EREG: variants seen among roughly 807,000 people sequenced by gnomAD.
EREG encodes the protein proepiregulin.
Under a neutral mutation model 22.4 loss-of-function variants are expected in EREG, and 23 were observed. The ratio of observed to expected loss-of-function variants is 1.03; its 90% confidence interval spans 0.74 to 1.46. The LOEUF is 1.46. Among genes scored for constraint, EREG ranks in the 40% most tolerant of loss-of-function variants. The pLI is 0.00. For missense variants in EREG, 226 were observed against 205.9 expected, an observed-to-expected ratio of 1.10 and a Z score of -0.60; for synonymous variants, 100 against 75.4, an observed-to-expected ratio of 1.33 and a Z score of -1.69.
At position 74,382,750 on chromosome 4, in the gene EREG, G is replaced by C. The variant is rs745627569; in HGVS notation, c.384G>C (p.Leu128Phe). The C allele has an allele frequency of 1.9e-6, 3 of 1,613,638 alleles. No homozygotes were observed. The highest frequency in any genetic ancestry group is 2.5e-6 in the Non-Finnish European group (3 of 1,179,808). ...CTTTGACCGTGATTCTTATTATTTT[G>C]TTTCTTATCACAGTCGTCGGTTCCA... ...YVALTVILII[L>F]FLITVVGSTY... Residue 128 changes from leucine (L) to phenylalanine (F), a missense_variant, in exon 4 of 5, where the codon TTG becomes TTC. By Grantham distance (22) the Leu-to-Phe change is conservative (BLOSUM62 0). Transcript: ENST00000244869.
intron 1 of EREG, among the ~76,000 whole-genome samples, chr4:74,370,807 C>A (rs997267695): frequency 2.0e-5 from 3 of 152,188 alleles, no homozygotes; most frequent in Non-Finnish European, 2.9e-5. Context: ...TCATTTCACC[C>A]TCTACCCCAC....
rs1039796162 is a variant in EREG at position 74,388,057 on chromosome 4, G to C, written c.*3249G>C. 2 of 152,192 alleles carry C rather than the reference G, an allele frequency of 1.3e-5. No individual in the cohort carries two copies. Among genetic ancestry groups the C allele is most frequent in the African/African-American group, 4.8e-5 (2 of 41,456 alleles). The allele number at this position is 152,192 out of a possible 1,614,324, so 9.4% of individuals were successfully genotyped here. On this transcript the variant is annotated 3_prime_UTR_variant, in exon 5 of 5. Transcript: ENST00000244869. ...ACTGGTATGACTACGTCTTAAGTCA[G>C]ATTTTTATTTATGAGTCTTTGAGAC... is the stretch of plus-strand genomic sequence containing the variant.
Position 74,384,799 on chromosome 4 carries a change from G to A in EREG, c.501G>A (p.Pro167=), listed in dbSNP as rs201806482. 55 of 1,609,884 alleles carry A rather than the reference G, an allele frequency of 3.4e-5. No homozygotes were observed. Among genetic ancestry groups the A allele is most frequent in the East Asian group, 2.5e-4 (11 of 44,840 alleles). The change falls in exon 5 of 5, where the codon CCG becomes CCA. Residue 167 remains proline, a synonymous_variant. Coordinates refer to ENST00000244869, the MANE Select transcript of EREG (RefSeq NM_001432.3). ...ERVTSGDPEL[P]QV ...TTACCTCAGGGGATCCAGAGTTGCC[G>A]CAAGTCTGAATGGCGCCATCAAACT...
At chr4:74,382,863 G>C (rs1752502524) in intron 4 of EREG, 69 bp downstream of exon 4, 1 of 1,117,070 alleles carries the variant, frequency 9.0e-7, no homozygotes, top group South Asian at 1.5e-5. Context: ...TATAAACTGG[G>C]TAAAAATATG....
At position 74,369,228 on chromosome 4, in the gene EREG, A is replaced by C. The variant is rs181164771; in HGVS notation, c.67+3853A>C. Among the ~76,000 whole-genome samples, 34 of 152,124 alleles carry C rather than the reference A, an allele frequency of 2.2e-4. 1 individual carries two copies. Among genetic ancestry groups the C allele is most frequent in the Admixed American group, 2.2e-3 (33 of 15,278 alleles). On this transcript the variant is annotated intron_variant, in intron 1 of 4. Transcript: ENST00000244869. ...GAATTCTATAGTGGTGAATTGTGAG[A>C]TTTTAGTGCGCCTATCACCTGAGTA... is the stretch of plus-strand genomic sequence containing the variant.
At chr4:74,374,367 T>G (rs1752343176) in intron 1 of EREG, among the ~76,000 whole-genome samples, 2 of 152,100 alleles carry the variant, frequency 1.3e-5, no homozygotes, top group South Asian at 2.1e-4. Flanking sequence ...GAGCCCTCAG[T>G]GCAATCCTTA....
intron 3 of EREG, 120 bp downstream of exon 3, chr4:74,381,257 AC>A (rs1752469792): frequency 2.5e-6 from 2 of 816,050 alleles, no homozygotes; most frequent in Non-Finnish European, 3.9e-6. Flanking sequence ...CTTTTAGAGT[AC>A]CTACCCCTCA....
rs567660124 is a variant in EREG, at chr4:74,387,254, C to T, written c.*2446C>T. 2 of 151,866 alleles carry T rather than the reference C, an allele frequency of 1.3e-5. No homozygotes were observed. The highest frequency in any genetic ancestry group is 4.8e-5 in the African/African-American group (2 of 41,382). 9.4% of individuals were successfully genotyped at this position (151,866 alleles called of 1,614,324 possible). A position where few individuals can be genotyped will look rare whatever the true frequency, so the allele number is the denominator to read the frequency against. ...CTGGGAATCAGTCCCCTGTGGATACCAAGGTACAACTGTATTTATTAACGC... is the reference window on the plus strand; with the variant it reads ...CTGGGAATCAGTCCCCTGTGGATACTAAGGTACAACTGTATTTATTAACGC... On this transcript the variant is annotated 3_prime_UTR_variant, in exon 5 of 5. Transcript: ENST00000244869.
intron 1 of EREG, among the ~76,000 whole-genome samples, chr4:74,374,807 G>A (rs1300717198): frequency 6.6e-6 from 1 of 152,112 alleles, no homozygotes; most frequent in Non-Finnish European, 1.5e-5. Flanking sequence ...ACCACTTCCT[G>A]CTGGCACATC....
In EREG at chr4:74,365,169, G is replaced by T; in HGVS notation, c.-140G>T. On this transcript the variant is annotated 5_prime_UTR_variant, in exon 1 of 5. Transcript: ENST00000244869. ...CACTTGCCTGATATTTCCAGTGTCA[G>T]AGGGACACAGCCAACGTGGGGTCCC... 1.5e-6 allele frequency: 1 copy of T among 663,658 alleles called. No individual in the cohort carries two copies. Among genetic ancestry groups the T allele is most frequent in the Non-Finnish European group, 2.7e-6 (1 of 373,700 alleles). The allele number at this position is 663,658 out of a possible 1,614,324, so 41.1% of individuals were successfully genotyped here.
Position 74,388,136 on chromosome 4 carries a change from T to C in EREG, c.*3328T>C, listed in dbSNP as rs1269706054. Reference sequence around the variant, plus strand: ...CAACTTTTATGCAGCAAATATATGATTCTAGTGTCTGACTTTTGTTAAATT... The same window carrying C: ...CAACTTTTATGCAGCAAATATATGACTCTAGTGTCTGACTTTTGTTAAATT... On this transcript the variant is annotated 3_prime_UTR_variant, in exon 5 of 5. Transcript: ENST00000244869. 6.6e-6 allele frequency: 1 copy of C among 152,204 alleles called. No homozygotes were observed. The highest frequency in any genetic ancestry group is 6.5e-5 in the Admixed American group (1 of 15,278). The allele number at this position is 152,204 out of a possible 1,614,324, so 9.4% of individuals were successfully genotyped here.
chr4:74,382,696 C>A lies in EREG; in HGVS notation c.330C>A (p.Val110=), dbSNP rs755389323. 3.1e-6 allele frequency: 5 copies of A among 1,613,206 alleles called. No homozygotes were observed. Among genetic ancestry groups the A allele is most frequent in the Non-Finnish European group, 4.2e-6 (5 of 1,179,364 alleles). Residue 110 remains valine (V), a synonymous_variant, in exon 4 of 5, where the codon GTC becomes GTA. Coordinates refer to ENST00000244869, the MANE Select transcript of EREG (RefSeq NM_001432.3). ...GVRCEHFFLT[V]HQPLSKEYVA... The stretch of plus-strand genomic sequence containing the variant: ...GATGTGAACACTTCTTTTTAACCGT[C>A]CACCAACCTTTAAGCAAAGAATATG...
Position 74,385,818 on chromosome 4 carries a change from T to C in EREG, c.*1010T>C, listed in dbSNP as rs1752559704. 1.5e-5 allele frequency: 6 copies of C among 396,202 alleles called. No homozygotes were observed. Among genetic ancestry groups the C allele is most frequent in the Non-Finnish European group, 2.7e-5 (6 of 224,550 alleles). The allele number at this position is 396,202 out of a possible 1,614,324, so 24.5% of individuals were successfully genotyped here. A position where few individuals can be genotyped will look rare whatever the true frequency, so the allele number is the denominator to read the frequency against. ...GGAAATACAGTTATTTCATCTTTTA[T>C]TCAAGGAAGTTTTAACTTTAATACA... On this transcript the variant is annotated 3_prime_UTR_variant, in exon 5 of 5. Transcript: ENST00000244869.
intron 4 of EREG, among the ~76,000 whole-genome samples, chr4:74,383,757 G>C (rs1373961847): frequency 6.6e-6 from 1 of 151,974 alleles, no homozygotes; most frequent in Non-Finnish European, 1.5e-5. Context: ...AATTTATTTT[G>C]TCCACATTTG....
chr4:74,381,093 T>C lies in EREG; in HGVS notation c.234T>C (p.His78=), dbSNP rs189413524. 21 of 1,613,506 alleles carry C rather than the reference T, an allele frequency of 1.3e-5. No homozygotes were observed. Among genetic ancestry groups the C allele is most frequent in the Non-Finnish European group, 1.7e-5 (20 of 1,179,666 alleles). Residue 78 remains histidine, a synonymous_variant, in exon 3 of 5, where the codon CAT becomes CAC. Coordinates refer to ENST00000244869, the MANE Select transcript of EREG (RefSeq NM_001432.3). ...CSSDMNGYCL[H]GQCIYLVDMS... The stretch of plus-strand genomic sequence containing the variant: ...CTGACATGAATGGCTATTGTTTGCA[T>C]GGACAGTGCATCTATCTGGTGGACA...
chr4:74,378,402 C>T (rs1234718713), intron 1 of EREG, among the ~76,000 whole-genome samples: 1 of 152,106 alleles, frequency 6.6e-6, no homozygotes, highest in Non-Finnish European at 1.5e-5. Flanking sequence ...GTAGAAAAAG[C>T]AAGCTTAACA....
chr4:74,371,672 A>G (rs1436003500), intron 1 of EREG, among the ~76,000 whole-genome samples: 1 of 152,108 alleles, frequency 6.6e-6, no homozygotes, highest in Non-Finnish European at 1.5e-5. Flanking sequence ...GACTTCTCCT[A>G]ATCTCCAAAT....
chr4:74,365,665 C>CTTTT lies in EREG; in HGVS notation c.67+302_67+305dup, dbSNP rs370338402. Among the ~76,000 whole-genome samples, 452 of 139,074 alleles carry CTTTT rather than the reference C, an allele frequency of 3.3e-3. 8 individuals are homozygous for CTTTT. Among genetic ancestry groups the CTTTT allele is most frequent in the South Asian group, 0.022 (97 of 4,392 alleles). 91.2% of individuals were successfully genotyped at this position (139,074 alleles called of 152,430 possible). On this transcript the variant is annotated intron_variant, in intron 1 of 4. Coordinates refer to ENST00000244869, the MANE Select transcript of EREG (RefSeq NM_001432.3). Reference sequence around the variant, plus strand: ...ACAAAATAAAAAGTTGTTGAAAAAGCTTTTTTTTTTTTTTTGAAAAGTTGC... The same window carrying CTTTT: ...ACAAAATAAAAAGTTGTTGAAAAAGCTTTTTTTTTTTTTTTTTTTGAAAAGTTGC...
chr4:74,375,232 C>T (rs543824171), intron 1 of EREG, among the ~76,000 whole-genome samples: 2 of 148,936 alleles, frequency 1.3e-5, no homozygotes, highest in South Asian at 2.2e-4. Flanking sequence ...AAAAGCCTGA[C>T]ATTAAGGAAA....
Sources: gnomAD v4.1 joint callset for allele counts (sites outside exome capture counted in the v4.1 genomes callset) on GRCh38, gnomAD v4.1.1 for gene constraint, MANE v1.5 for transcripts, NCBI Gene and HGNC (gene_info 2026-07-23, HGNC 2026-07-21) for gene names.